Variants in PRKAR2B observed in about 807,000 individuals in gnomAD.
The protein encoded by PRKAR2B is cAMP-dependent protein kinase type II-beta regulatory subunit.
In PRKAR2B, 14 loss-of-function variants were observed where a neutral mutation model predicts 49.9. The observed-to-expected ratio is 0.28, with a 90% CI of 0.19 to 0.44. PRKAR2B has a LOEUF of 0.44. Among genes scored for constraint, PRKAR2B ranks in the 20% least tolerant of loss-of-function variants. PRKAR2B has a pLI of 1.00. For synonymous variants in PRKAR2B, 196 were observed against 197.7 expected, an observed-to-expected ratio of 0.99 and a Z score of 0.07; for missense variants, 393 against 537.9, an observed-to-expected ratio of 0.73 and a Z score of 2.67.
intron 6 of PRKAR2B, among the ~76,000 whole-genome samples, chr7:107,150,079 A>T (rs1268269157): frequency 6.6e-6 from 1 of 152,150 alleles, no homozygotes; most frequent in Non-Finnish European, 1.5e-5. Flanking sequence ...ACTTTATTAA[A>T]ATGGTATAAT....
At chr7:107,091,113 C>A (rs1282910555) in intron 2 of PRKAR2B, among the ~76,000 whole-genome samples, 1 of 152,112 alleles carries the variant, frequency 6.6e-6, no homozygotes, top group Non-Finnish European at 1.5e-5. Context: ...ATTTTAAGAT[C>A]AGATTGGATG....
At position 107,100,210 on chromosome 7, in the gene PRKAR2B, G is replaced by C. The variant is rs116156803; in HGVS notation, c.344-21742G>C. 3.6e-3 allele frequency among the ~76,000 whole-genome samples: 549 copies of C among 152,092 alleles called. 4 individuals carry two copies. Among genetic ancestry groups the C allele is most frequent in the African/African-American group, 0.013 (522 of 41,480 alleles). ...TGCTAGCTGCAAATACTCCTAGTCA[G>C]TGTTATCTATCTGGACATGAGTTCA... On this transcript the variant is annotated intron_variant, in intron 2 of 10. Coordinates refer to ENST00000265717, the MANE Select transcript of PRKAR2B (RefSeq NM_002736.3).
At chr7:107,052,549 T>G (rs908240853) in intron 1 of PRKAR2B, among the ~76,000 whole-genome samples, 4 of 152,246 alleles carry the variant, frequency 2.6e-5, no homozygotes, top group African/African-American at 9.6e-5. Context: ...CATATGTGAT[T>G]TAGTCTTCCC....
intron 2 of PRKAR2B, among the ~76,000 whole-genome samples, chr7:107,075,566 A>G (rs749812853): frequency 1.3e-5 from 2 of 151,650 alleles, no homozygotes; most frequent in Non-Finnish European, 2.9e-5. Flanking sequence ...TGCCTAGCTA[A>G]TTTTTGTATG....
intron 3 of PRKAR2B, among the ~76,000 whole-genome samples, chr7:107,123,077 A>G (rs1584440168): frequency 6.6e-6 from 1 of 152,222 alleles, no homozygotes; most frequent in South Asian, 2.1e-4. Context: ...TCTAGCAGAA[A>G]CAATACCGGG....
chr7:107,069,061 A>G (rs1584409803), intron 1 of PRKAR2B, among the ~76,000 whole-genome samples: 2 of 152,028 alleles, frequency 1.3e-5, no homozygotes, highest in South Asian at 2.1e-4. Flanking sequence ...CAGCCTCCCA[A>G]GTAGCTGGGA....
intron 2 of PRKAR2B, among the ~76,000 whole-genome samples, chr7:107,111,806 C>A (rs905201445): frequency 6.6e-6 from 1 of 151,308 alleles, no homozygotes. Context: ...CTAAACTGAC[C>A]CCTCTGTTCC....
chr7:107,124,182 G>A (rs1795443607), intron 3 of PRKAR2B, among the ~76,000 whole-genome samples: 1 of 152,116 alleles, frequency 6.6e-6, no homozygotes, highest in Non-Finnish European at 1.5e-5. Context: ...GACTCATTTT[G>A]GAAAATAACA....
chr7:107,063,204 T>C (rs1231048543), intron 1 of PRKAR2B, among the ~76,000 whole-genome samples: 1 of 152,200 alleles, frequency 6.6e-6, no homozygotes, highest in Non-Finnish European at 1.5e-5. Context: ...GGTTTTACCA[T>C]GTTGGCCAGG....
At chr7:107,150,871 T>C (rs752148154) in intron 6 of PRKAR2B, 51 bp from the exon 7 acceptor site, 1 of 889,612 alleles carries the variant, frequency 1.1e-6, no homozygotes, top group Non-Finnish European at 1.8e-6. Context: ...ATAAAACTAT[T>C]TGTATAGCTT....
intron 2 of PRKAR2B, among the ~76,000 whole-genome samples, chr7:107,074,399 C>T (rs978209089): frequency 3.9e-5 from 6 of 152,062 alleles, no homozygotes; most frequent in Admixed American, 6.5e-5. Context: ...CCACTGCGCC[C>T]GGCCACATAA....
chr7:107,078,167 C>T (rs1401412881), intron 2 of PRKAR2B: 1 of 141,814 alleles, frequency 7.1e-6, no homozygotes, highest in Non-Finnish European at 1.5e-5. Context: ...CACCACTGTA[C>T]ACTCCAAGCC....
At chr7:107,048,139 C>T (rs1403735613) in intron 1 of PRKAR2B, among the ~76,000 whole-genome samples, 2 of 152,194 alleles carry the variant, frequency 1.3e-5, no homozygotes, top group African/African-American at 4.8e-5. Context: ...GTGCTCTTGA[C>T]TGCCCGATTC....
At chr7:107,150,697 TTAAAAAAA>T (rs1795968199) in intron 6 of PRKAR2B, among the ~76,000 whole-genome samples, 1 of 55,862 alleles carries the variant, frequency 1.8e-5, no homozygotes, top group South Asian at 6.5e-4. Context: ...GATGCTTTCT[TTAAAAAAA>T]AAAAAAAAAA....
At position 107,160,686 on chromosome 7, in the gene PRKAR2B, A is replaced by G. The variant is rs2115692549; in HGVS notation, c.*1104A>G. ...AACATCCTCTAGAGGAATAGAAACA[A>G]ATTTTTATGAGCATAACCCTATATA... On this transcript the variant is annotated 3_prime_UTR_variant, in exon 11 of 11. Coordinates refer to ENST00000265717, the MANE Select transcript of PRKAR2B (RefSeq NM_002736.3). The G allele has an allele frequency of 6.6e-6, 1 of 152,276 alleles. No individual in the cohort carries two copies. Among genetic ancestry groups the G allele is most frequent in the Non-Finnish European group, 1.5e-5 (1 of 68,006 alleles). The allele number at this position is 152,276 out of a possible 1,614,324, so 9.4% of individuals were successfully genotyped here. A position where few individuals can be genotyped will look rare whatever the true frequency, so the allele number is the denominator to read the frequency against.
intron 2 of PRKAR2B, among the ~76,000 whole-genome samples, chr7:107,102,820 G>A (rs11772666): frequency 0.019 from 2,844 of 152,132 alleles, 38 homozygotes; most frequent in Middle Eastern, 0.041. Flanking sequence ...ACAGGCGCCC[G>A]CCACCATGCC....
At chr7:107,121,704 A>G (rs185567133) in intron 2 of PRKAR2B, among the ~76,000 whole-genome samples, 19 of 152,280 alleles carry the variant, frequency 1.2e-4, no homozygotes, top group Admixed American at 1.1e-3. Flanking sequence ...GGTTTAAGCT[A>G]TGTTTCTCTA....
chr7:107,148,085 G>T (rs1467252910), intron 6 of PRKAR2B, among the ~76,000 whole-genome samples: 2 of 152,188 alleles, frequency 1.3e-5, no homozygotes, highest in African/African-American at 4.8e-5. Context: ...GAAAAGGAAA[G>T]AACTGTCAGT....
At chr7:107,157,164 A>T in intron 9 of PRKAR2B, 22 bp from the exon 10 acceptor site, 1 of 1,608,616 alleles carries the variant, frequency 6.2e-7, no homozygotes, top group South Asian at 1.1e-5. Flanking sequence ...GGAAAAGCTC[A>T]TCTTTTTAAT....
Sources: gnomAD v4.1 joint callset for allele counts (sites outside exome capture counted in the v4.1 genomes callset) on GRCh38, gnomAD v4.1.1 for gene constraint, MANE v1.5 for transcripts, NCBI Gene and HGNC (gene_info 2026-07-23, HGNC 2026-07-21) for gene names.